The following CCDC171 variants were observed in gnomAD, a reference collection of about 807,000 sequenced individuals.
CCDC171 encodes the protein coiled-coil domain containing 171.
A neutral mutation model predicts 168.2 loss-of-function variants in CCDC171; 177 were observed. The observed-to-expected ratio is 1.05, with a 90% CI of 0.93 to 1.19. The LOEUF (loss-of-function observed/expected upper bound fraction) is 1.19, where lower values mean the gene tolerates loss of function less well. CCDC171 is among the 50% of genes most tolerant of loss of function. CCDC171 has a pLI of 0.00. For synonymous variants in CCDC171, 687 were observed against 540.8 expected, an observed-to-expected ratio of 1.27 and a Z score of -3.75; for missense variants, 1,991 against 1,539.0, an observed-to-expected ratio of 1.29 and a Z score of -4.91.
At chr9:15,800,154 A>G (rs376922892) in intron 21 of CCDC171, among the ~76,000 whole-genome samples, 27 of 152,098 alleles carry the variant, frequency 1.8e-4, no homozygotes, top group Non-Finnish European at 2.6e-4. Flanking sequence ...GCTGGATCAT[A>G]TGGTAGCTCT....
At chr9:15,833,040 T>G (rs1563832620) in intron 21 of CCDC171, among the ~76,000 whole-genome samples, 1 of 140,682 alleles carries the variant, frequency 7.1e-6, no homozygotes, top group Non-Finnish European at 1.5e-5. Context: ...CAGGCTGGAA[T>G]GCAGTGGCGC....
chr9:15,623,191 C>T, intron 6 of CCDC171, 76 bp from the exon 7 acceptor site: 2 of 1,024,002 alleles, frequency 2.0e-6, no homozygotes, highest in Non-Finnish European at 2.7e-6. Context: ...TAGTTACTCA[C>T]TGTCTTCTAT....
chr9:15,824,656 T>C (rs1013190876), intron 21 of CCDC171, among the ~76,000 whole-genome samples: 1 of 152,134 alleles, frequency 6.6e-6, no homozygotes, highest in African/African-American at 2.4e-5. Flanking sequence ...GAACAACGTA[T>C]ATACAGGAAG....
At chr9:16,041,768 C>G (rs376332424), upstream of CCDC171, among the ~76,000 whole-genome samples, 8 of 152,232 alleles carry the variant, frequency 5.3e-5, no homozygotes, top group East Asian at 1.5e-3. Context: ...TTGGCCACAC[C>G]TTCTGGAACA....
At chr9:15,997,176 C>T (rs1490957021) in intron 3 of CCDC171, among the ~76,000 whole-genome samples, 1 of 152,100 alleles carries the variant, frequency 6.6e-6, no homozygotes, top group African/African-American at 2.4e-5. Flanking sequence ...CTGTCCATTC[C>T]AAGAAGGAGT....
At chr9:15,792,178 A>G (rs1412753503) in intron 21 of CCDC171, among the ~76,000 whole-genome samples, 3 of 152,260 alleles carry the variant, frequency 2.0e-5, no homozygotes, top group African/African-American at 7.2e-5. Flanking sequence ...TGATGAATGC[A>G]CAAGCTTCAG....
Position 15,564,086 on chromosome 9 carries a change from A to G in CCDC171, c.-3A>G. 6.2e-7 allele frequency: 1 copy of G among 1,603,956 alleles called. No homozygotes were observed. Among genetic ancestry groups the G allele is most frequent in the African/African-American group, 1.3e-5 (1 of 74,680 alleles). On this transcript the variant is annotated 5_prime_UTR_variant, in exon 2 of 26. Transcript: ENST00000380701. The stretch of plus-strand genomic sequence containing the variant: ...GGGTATTTTGAAAGAGTTGGAAAAC[A>G]TCATGAATTTGAATACTTCAAGTAA...
chr9:15,659,330 A>G (rs377623969), intron 8 of CCDC171, among the ~76,000 whole-genome samples: 1 of 152,162 alleles, frequency 6.6e-6, no homozygotes, highest in Non-Finnish European at 1.5e-5. Context: ...CTTGATTTTA[A>G]TATTTTATAG....
At chr9:15,712,660 T>C (rs2052757735) in intron 11 of CCDC171, among the ~76,000 whole-genome samples, 1 of 152,170 alleles carries the variant, frequency 6.6e-6, no homozygotes, top group African/African-American at 2.4e-5. Context: ...CATTGCCCAT[T>C]CCATGATGAA....
chr9:15,812,477 C>T (rs2059398178), intron 21 of CCDC171, among the ~76,000 whole-genome samples: 1 of 152,092 alleles, frequency 6.6e-6, no homozygotes. Context: ...CTAAAATTGC[C>T]TTATAGTCTT....
In CCDC171 at chr9:15,784,570, G is replaced by A. The variant is rs750226400; in HGVS notation, c.3143G>A (p.Arg1048Gln). 5 of 1,613,058 alleles carry A rather than the reference G, an allele frequency of 3.1e-6. No homozygotes were observed. Among genetic ancestry groups the A allele is most frequent in the South Asian group, 1.1e-5 (1 of 91,028 alleles). ...ACEELNNALL[R>Q]EEQAQMLLNE... ...GAAGAACTAAATAATGCATTACTTCGGGAAGAGCAGGCACAAATGCTATTG... is the reference window on the plus strand; with the variant it reads ...GAAGAACTAAATAATGCATTACTTCAGGAAGAGCAGGCACAAATGCTATTG... Residue 1048 changes from arginine to glutamine, a missense_variant, in exon 21 of 26, where the codon CGG becomes CAG. Transcript: ENST00000380701.
intron 25 of CCDC171, among the ~76,000 whole-genome samples, chr9:15,968,458 T>G (rs1005821650): frequency 2.0e-5 from 3 of 151,876 alleles, no homozygotes; most frequent in Admixed American, 6.6e-5. Context: ...TGGATATTTA[T>G]AACAAGAAAA....
intron 21 of CCDC171, among the ~76,000 whole-genome samples, chr9:15,802,832 C>T (rs2058891674): frequency 6.6e-6 from 1 of 152,138 alleles, no homozygotes; most frequent in South Asian, 2.1e-4. Flanking sequence ...GGAATCACCA[C>T]ACTGTCTTCC....
the CCDC171 span, among the ~76,000 whole-genome samples, chr9:16,099,925 G>C: frequency 2.0e-5 from 3 of 151,944 alleles, no homozygotes; most frequent in Admixed American, 6.6e-5. Context: ...GCCATTGCTT[G>C]CCTGTGGAAA....
rs967133513 is a variant in CCDC171 at position 15,897,820 on chromosome 9, A to C, written c.3601-22450A>C. Among the ~76,000 whole-genome samples, 5 of 152,208 alleles carry C rather than the reference A, an allele frequency of 3.3e-5. No homozygotes were observed. In the East Asian group the frequency reaches 9.6e-4, roughly 29 times the overall value. On this transcript the variant is annotated intron_variant, in intron 24 of 25. Transcript: ENST00000380701. ...AGTCTACTGATTTCACTGAGAAACA[A>C]ATAAACAAACATCAACCAGTCCAAA...
chr9:16,049,990 G>C (rs570452070), intron 1 of CCDC171, among the ~76,000 whole-genome samples: 2 of 152,118 alleles, frequency 1.3e-5, no homozygotes. Context: ...TAGTTCAAGC[G>C]ATTCTCCCAC....
intron 10 of CCDC171, among the ~76,000 whole-genome samples, chr9:15,688,883 G>C (rs1004069805): frequency 1.3e-5 from 2 of 152,112 alleles, no homozygotes; most frequent in African/African-American, 4.8e-5. Context: ...GAAATAAAAG[G>C]CATCAGTTTT....
intron 1 of CCDC171, among the ~76,000 whole-genome samples, chr9:15,559,848 A>G (rs2039130259): frequency 6.6e-6 from 1 of 152,024 alleles, no homozygotes; most frequent in South Asian, 2.1e-4. Context: ...ACAATTTGGC[A>G]TGTTTTTGCA....
chr9:15,779,450 C>G (rs2057540726), intron 20 of CCDC171, among the ~76,000 whole-genome samples: 1 of 152,066 alleles, frequency 6.6e-6, no homozygotes, highest in South Asian at 2.1e-4. Flanking sequence ...ACCTCTGCCC[C>G]CCGGGTTCAA....
Sources: gnomAD v4.1 joint callset for allele counts (sites outside exome capture counted in the v4.1 genomes callset) on GRCh38, gnomAD v4.1.1 for gene constraint, MANE v1.5 for transcripts, NCBI Gene and HGNC (gene_info 2026-07-23, HGNC 2026-07-21) for gene names.